Variants in ATP8B4 observed in about 807,000 individuals in gnomAD.
The protein encoded by ATP8B4 is probable phospholipid-transporting ATPase IM.
ATP8B4 carries 133 observed loss-of-function variants against 145.6 expected under a neutral mutation model. The observed-to-expected ratio is 0.91, with a 90% CI of 0.79 to 1.05. The LOEUF is 1.05. Ranked by LOEUF, ATP8B4 falls within the 50% of genes least tolerant of loss-of-function variation. The probability of loss-of-function intolerance (pLI) is 0.00; values close to 1 mark genes in which losing one functional copy is unlikely to be tolerated. For missense variants in ATP8B4, 1,458 were observed against 1,425.2 expected, an observed-to-expected ratio of 1.02 and a Z score of -0.37; for synonymous variants, 507 against 492.9, an observed-to-expected ratio of 1.03 and a Z score of -0.38.
In ATP8B4 at chr15:49,876,523, C is replaced by T; in HGVS notation, c.2782G>A (p.Asp928Asn). 1.2e-6 allele frequency: 2 copies of T among 1,613,820 alleles called. No individual in the cohort carries two copies. Among genetic ancestry groups the T allele is most frequent in the African/African-American group, 2.7e-5 (2 of 75,024 alleles). The change falls in exon 25 of 28, where the codon GAT becomes AAT. Residue 928 changes from aspartate to asparagine, a missense_variant and splice_region_variant. Transcript: ENST00000284509. ...TCCACGCTGTTCTGGTCACTCACAT[C>T]CTGTAAACAGAGTGTAATTTCAGTG... ...PVLAMGIFDQDVSDQNSVDCP... is the reference protein window; with the variant it reads ...PVLAMGIFDQNVSDQNSVDCP...
chr15:49,895,079 C>T (rs2037253556), intron 23 of ATP8B4: 2 of 152,218 alleles, frequency 1.3e-5, no homozygotes, highest in South Asian at 2.1e-4. Flanking sequence ...AAATATGCCT[C>T]AGGGACAGTG....
At chr15:50,029,242 A>AAAAAAAAC (rs2050243387) in intron 6 of ATP8B4, among the ~76,000 whole-genome samples, 1 of 149,012 alleles carries the variant, frequency 6.7e-6, no homozygotes, top group Non-Finnish European at 1.5e-5. Context: ...CCATCTTAAA[A>AAAAAAAAC]AAAAAAAAAA....
At chr15:49,942,633 A>C (rs2042249452) in intron 14 of ATP8B4, among the ~76,000 whole-genome samples, 1 of 151,854 alleles carries the variant, frequency 6.6e-6, no homozygotes, top group Non-Finnish European at 1.5e-5. Context: ...AAGTCATTAA[A>C]AAAACATGGT....
At chr15:50,036,355 G>A (rs1305155680) in intron 6 of ATP8B4, among the ~76,000 whole-genome samples, 4 of 152,148 alleles carry the variant, frequency 2.6e-5, no homozygotes, top group African/African-American at 9.7e-5. Flanking sequence ...GCTGTTTGAC[G>A]CTCGTGCGCC....
intron 6 of ATP8B4, among the ~76,000 whole-genome samples, chr15:50,026,617 G>T (rs1354071907): frequency 1.3e-5 from 2 of 152,180 alleles, no homozygotes; most frequent in African/African-American, 2.4e-5. Context: ...ATTGGAAAAA[G>T]AAATGTTTGA....
intron 3 of ATP8B4, among the ~76,000 whole-genome samples, 160 bp downstream of exon 3, chr15:50,073,967 T>G (rs1022716232): frequency 5.9e-5 from 9 of 152,196 alleles, no homozygotes; most frequent in African/African-American, 2.2e-4. Flanking sequence ...TTGTAAACAT[T>G]ACTAAGATCT....
At chr15:50,089,822 C>T (rs115008267) in intron 2 of ATP8B4, among the ~76,000 whole-genome samples, 2,140 of 152,112 alleles carry the variant, frequency 0.014, 50 homozygotes, top group African/African-American at 0.048. Context: ...CAAAGACCTA[C>T]GGGCAGAAAT....
intron 5 of ATP8B4, among the ~76,000 whole-genome samples, chr15:50,043,517 CCTCCTT>C (rs777797392): frequency 7.9e-5 from 12 of 152,142 alleles, no homozygotes; most frequent in Non-Finnish European, 1.6e-4. Flanking sequence ...TCTTCCTCTT[CCTCCTT>C]AGCCTACTAA....
intron 7 of ATP8B4, among the ~76,000 whole-genome samples, chr15:50,010,114 A>G (rs1007832009): frequency 6.6e-6 from 1 of 152,190 alleles, no homozygotes; most frequent in Non-Finnish European, 1.5e-5. Flanking sequence ...TACACAAAAT[A>G]GCACTCAACA....
In ATP8B4 at chr15:49,934,008, T is replaced by C; in HGVS notation, c.1453+9A>G. 1 of 1,545,742 alleles carries C rather than the reference T, an allele frequency of 6.5e-7. No homozygotes were observed. Among genetic ancestry groups the C allele is most frequent in the Non-Finnish European group, 8.7e-7 (1 of 1,146,308 alleles). ...AAGGTTCACCACTCAGACATAACTT[T>C]TCACTTACCTGCGCTATTCTCTTCT... On this transcript the variant is annotated intron_variant, in intron 15 of 27. Transcript: ENST00000284509.
intron 5 of ATP8B4, among the ~76,000 whole-genome samples, chr15:50,043,460 C>T (rs1437958118): frequency 1.3e-5 from 2 of 152,026 alleles, no homozygotes; most frequent in African/African-American, 4.8e-5. Flanking sequence ...TCCTGCTTCC[C>T]CTTCCTCTGC....
At chr15:49,990,286 C>T (rs1195976638) in intron 9 of ATP8B4, among the ~76,000 whole-genome samples, 1 of 152,120 alleles carries the variant, frequency 6.6e-6, no homozygotes, top group African/African-American at 2.4e-5. Flanking sequence ...GAGAAAGAGG[C>T]AGTAAATGAT....
intron 1 of ATP8B4, among the ~76,000 whole-genome samples, chr15:50,153,584 G>A (rs1040969421): frequency 3.3e-5 from 5 of 152,064 alleles, no homozygotes; most frequent in South Asian, 2.1e-4. Context: ...TGATCCGCCC[G>A]CCTTGGCCTC....
At chr15:50,173,331 C>T (rs1303035042) in intron 1 of ATP8B4, among the ~76,000 whole-genome samples, 1 of 152,078 alleles carries the variant, frequency 6.6e-6, no homozygotes, top group Non-Finnish European at 1.5e-5. Flanking sequence ...ATAGGAGACT[C>T]CATTTTGTTC....
At chr15:49,913,327 T>C (rs1157939428) in intron 20 of ATP8B4, among the ~76,000 whole-genome samples, 2 of 152,034 alleles carry the variant, frequency 1.3e-5, no homozygotes, top group Non-Finnish European at 2.9e-5. Flanking sequence ...AAATTCAACA[T>C]CCCTTCATAA....
intron 25 of ATP8B4, among the ~76,000 whole-genome samples, chr15:49,868,390 G>T (rs2033146222): frequency 3.9e-5 from 6 of 152,146 alleles, no homozygotes; most frequent in Admixed American, 3.9e-4. Context: ...AAGCTAAAAA[G>T]TATAACATCT....
intron 8 of ATP8B4, among the ~76,000 whole-genome samples, chr15:50,000,457 G>A (rs917206523): frequency 6.6e-6 from 1 of 152,086 alleles, no homozygotes; most frequent in African/African-American, 2.4e-5. Context: ...ATGATGTTGA[G>A]CATCTTTTCA....
chr15:49,896,995 T>G (rs922329334), intron 23 of ATP8B4: 25 of 301,594 alleles, frequency 8.3e-5, no homozygotes, highest in African/African-American at 4.8e-4. Flanking sequence ...TACAACAAGC[T>G]TACCTGTCAT....
chr15:50,173,546 A>G (rs960984035), intron 1 of ATP8B4, among the ~76,000 whole-genome samples: 4 of 152,212 alleles, frequency 2.6e-5, no homozygotes, highest in Non-Finnish European at 5.9e-5. Flanking sequence ...ACCCAGGGAC[A>G]TAAACACTGC....
Sources: gnomAD v4.1 joint callset for allele counts (sites outside exome capture counted in the v4.1 genomes callset) on GRCh38, gnomAD v4.1.1 for gene constraint, MANE v1.5 for transcripts, NCBI Gene and HGNC (gene_info 2026-07-23, HGNC 2026-07-21) for gene names.